The following FGGY variants were observed in gnomAD, a reference collection of about 807,000 sequenced individuals.
FGGY encodes FGGY carbohydrate kinase domain-containing protein.
Under a neutral mutation model 71.3 loss-of-function variants are expected in FGGY, and 72 were observed. The observed-to-expected ratio is 1.01, with a 90% CI of 0.84 to 1.23. FGGY has a LOEUF of 1.23. FGGY is among the 50% of genes most tolerant of loss of function. The pLI, the probability that FGGY is intolerant of heterozygous loss-of-function variation, is 0.00. For missense variants in FGGY, 668 were observed against 682.3 expected (o/e 0.98, Z 0.23); for synonymous variants, 251 against 250.3 (o/e 1.00, Z -0.02).
chr1:59,621,800 G>A (rs1015851953), intron 9 of FGGY, among the ~76,000 whole-genome samples: 1 of 151,238 alleles, frequency 6.6e-6, no homozygotes, highest in Admixed American at 6.6e-5. Context: ...GGTCTTCTTT[G>A]GATTCATCTT....
At chr1:59,587,735 T>C (rs547220509) in intron 8 of FGGY, among the ~76,000 whole-genome samples, 2 of 152,134 alleles carry the variant, frequency 1.3e-5, no homozygotes, top group South Asian at 4.2e-4. Context: ...CAGCTGAGGG[T>C]CCTGTCTGTT....
At chr1:59,319,828 G>T (rs972203877) in intron 1 of FGGY, among the ~76,000 whole-genome samples, 1 of 152,166 alleles carries the variant, frequency 6.6e-6, no homozygotes, top group African/African-American at 2.4e-5. Context: ...CTCAAAGCTG[G>T]TGGTTTTCAG....
At chr1:59,728,273 G>A (rs2097974185) in intron 14 of FGGY, among the ~76,000 whole-genome samples, 1 of 151,838 alleles carries the variant, frequency 6.6e-6, no homozygotes, top group African/African-American at 2.4e-5. Flanking sequence ...TTCAGATAAC[G>A]CTATACCACT....
chr1:59,377,052 C>T (rs889406840), intron 4 of FGGY, among the ~76,000 whole-genome samples: 1 of 152,126 alleles, frequency 6.6e-6, no homozygotes, highest in Admixed American at 6.6e-5. Context: ...GGTCACATGC[C>T]TAAACCTGGT....
chr1:59,441,133 CAT>C (rs2069749444), intron 5 of FGGY, among the ~76,000 whole-genome samples: 1 of 152,108 alleles, frequency 6.6e-6, no homozygotes, highest in African/African-American at 2.4e-5. Flanking sequence ...GCATTTCCTC[CAT>C]ATGTCTATTT....
At chr1:59,698,413 C>G (rs995240735) in intron 14 of FGGY, among the ~76,000 whole-genome samples, 49 of 150,210 alleles carry the variant, frequency 3.3e-4, no homozygotes, top group Admixed American at 4.6e-4. Flanking sequence ...CCCAGAAAAA[C>G]TACAGATGCT....
chr1:59,401,196 AG>A (rs2061924011), intron 5 of FGGY, among the ~76,000 whole-genome samples: 1 of 152,226 alleles, frequency 6.6e-6, no homozygotes. Flanking sequence ...ACATAATAAC[AG>A]TTTTTAATGT....
At chr1:59,521,154 A>G (rs1049826722) in intron 7 of FGGY, among the ~76,000 whole-genome samples, 1 of 152,208 alleles carries the variant, frequency 6.6e-6, no homozygotes, top group Non-Finnish European at 1.5e-5. Flanking sequence ...TGTGAATCAC[A>G]GAGGGCAGAG....
Position 59,321,699 on chromosome 1 carries a change from C to T in FGGY, c.150C>T (p.His50=). The change falls in exon 2 of 16, where the codon CAC becomes CAT. Residue 50 remains histidine (H), a synonymous_variant. Transcript: ENST00000303721. ...PIKNWEPQFN[H]HEQSSEDIWA... Reference sequence around the variant, plus strand: ...AGAATTGGGAGCCCCAGTTCAACCACCATGAGCAGTCCTCCGAGGACATCT... The same window carrying T: ...AGAATTGGGAGCCCCAGTTCAACCATCATGAGCAGTCCTCCGAGGACATCT... 6.2e-7 allele frequency: 1 copy of T among 1,613,034 alleles called. No homozygotes were observed.
intron 6 of FGGY, among the ~76,000 whole-genome samples, chr1:59,473,785 C>G (rs2093119345): frequency 6.6e-6 from 1 of 152,116 alleles, no homozygotes; most frequent in Non-Finnish European, 1.5e-5. Context: ...CTACTCCTGC[C>G]AATGCAGTAA....
chr1:59,668,991 C>CAAAAAAA (rs33999903), intron 13 of FGGY, among the ~76,000 whole-genome samples: 2 of 37,114 alleles, frequency 5.4e-5, no homozygotes, highest in Non-Finnish European at 6.4e-5. Flanking sequence ...AACTCCATCT[C>CAAAAAAA]AAAAAAAAAA....
At position 59,588,814 on chromosome 1, in the gene FGGY, G is replaced by A. The variant is rs901917284; in HGVS notation, c.904-18989G>A. Reference sequence around the variant, plus strand: ...GCACTAAACATGGAAAGGAACAACCGGTACCAGCCACTGGAAAATCATGCC... The same window carrying A: ...GCACTAAACATGGAAAGGAACAACCAGTACCAGCCACTGGAAAATCATGCC... On this transcript the variant is annotated intron_variant, in intron 8 of 15. Transcript: ENST00000303721. 1.6e-4 allele frequency among the ~76,000 whole-genome samples: 24 copies of A among 152,246 alleles called. No individual in the cohort carries two copies. The East Asian group carries it at 2.9e-3, about 18-fold the overall frequency.
At chr1:59,513,767 G>A (rs765098668) in intron 7 of FGGY, among the ~76,000 whole-genome samples, 18 of 152,120 alleles carry the variant, frequency 1.2e-4, no homozygotes, top group Non-Finnish European at 2.6e-4. Context: ...GTCACATTAA[G>A]GCAAGAATAA....
At chr1:59,337,353 G>A (rs975806893) in intron 2 of FGGY, among the ~76,000 whole-genome samples, 1 of 152,076 alleles carries the variant, frequency 6.6e-6, no homozygotes, top group African/African-American at 2.4e-5. Flanking sequence ...AAGGGAGAGA[G>A]GGAGGAAGGT....
intron 5 of FGGY, among the ~76,000 whole-genome samples, chr1:59,445,672 T>A (rs1015527825): frequency 1.3e-5 from 2 of 152,220 alleles, no homozygotes; most frequent in Non-Finnish European, 2.9e-5. Flanking sequence ...GGCAGCTAAC[T>A]GCTTTCTACA....
In FGGY at chr1:59,456,969, G is replaced by T. The variant is rs375830863; in HGVS notation, c.563G>T (p.Cys188Phe). The change falls in exon 6 of 16, where the codon TGC (cysteine) becomes TTC (phenylalanine). Residue 188 changes from cysteine to phenylalanine, a missense_variant. Cys to Phe is a radical substitution (Grantham distance 205). This residue lies in a region of FGGY where 661 missense variants were observed against 661.6 expected (regional missense o/e 1.00). Coordinates refer to ENST00000303721, the MANE Select transcript of FGGY (RefSeq NM_018291.5). The stretch of plus-strand genomic sequence containing the variant: ...CTCTTCTATTTTCTTAGGTCTCTCT[G>T]CTCCCTGGTGTGTAAGTGGACATAT... ...KATGVTARSL[C>F]SLVCKWTYSA... 2 of 1,612,556 alleles carry T rather than the reference G, an allele frequency of 1.2e-6. No individual in the cohort carries two copies. Among genetic ancestry groups the T allele is most frequent in the African/African-American group, 2.7e-5 (2 of 74,864 alleles).
At chr1:59,311,598 T>C (rs1246078721) in intron 1 of FGGY, among the ~76,000 whole-genome samples, 1 of 152,232 alleles carries the variant, frequency 6.6e-6, no homozygotes, top group Non-Finnish European at 1.5e-5. Flanking sequence ...CTGTGTAGTA[T>C]TCTATGGTAT....
chr1:59,507,265 G>C (rs2094410241), intron 6 of FGGY, among the ~76,000 whole-genome samples: 1 of 152,204 alleles, frequency 6.6e-6, no homozygotes, highest in Admixed American at 6.5e-5. Context: ...TCTGTGATTG[G>C]CTGAGACTCA....
intron 4 of FGGY, among the ~76,000 whole-genome samples, chr1:59,350,583 G>T (rs1408763478): frequency 6.6e-6 from 1 of 152,126 alleles, no homozygotes; most frequent in African/African-American, 2.4e-5. Context: ...AGGAGATGAG[G>T]CCAGGTAAAT....
Sources: allele counts gnomAD v4.1 joint callset (sites outside exome capture counted in the v4.1 genomes callset), GRCh38; gene constraint gnomAD v4.1.1; regional missense constraint gnomAD v4.1.1; transcripts MANE v1.5; gene names NCBI Gene and HGNC (gene_info 2026-07-23, HGNC 2026-07-21).